Variants in ZNF25 observed in about 807,000 individuals in gnomAD.
ZNF25 encodes zinc finger protein 25.
Under a neutral mutation model 30.9 loss-of-function variants are expected in ZNF25, and 21 were observed. The observed-to-expected ratio is 0.68, with a 90% confidence interval of 0.48 to 0.98. The LOEUF is 0.98. ZNF25 is among the 50% of genes least tolerant of loss of function. The pLI is 0.00. For synonymous variants in ZNF25, 169 were observed against 181.3 expected (o/e 0.93, Z 0.55); for missense variants, 501 against 529.9 (o/e 0.95, Z 0.54).
chr10:37,960,928 G>GTT (rs2062835765), intron 2 of ZNF25, among the ~76,000 whole-genome samples: 1 of 152,180 alleles, frequency 6.6e-6, no homozygotes, highest in African/African-American at 2.4e-5. Flanking sequence ...CCTAAGAGCA[G>GTT]ATAAGAGAAT....
chr10:37,976,256 C>G (rs764729777), intron 1 of ZNF25, among the ~76,000 whole-genome samples: 1 of 152,226 alleles, frequency 6.6e-6, no homozygotes, highest in Non-Finnish European at 1.5e-5. Context: ...ATGGCGGCTC[C>G]GGTCACGTCA....
intron 2 of ZNF25, among the ~76,000 whole-genome samples, chr10:37,965,484 T>G (rs907471379): frequency 1.3e-5 from 2 of 152,232 alleles, no homozygotes; most frequent in East Asian, 3.8e-4. Flanking sequence ...GGCAGTGTGA[T>G]GACACATTAA....
chr10:37,969,805 C>G (rs1394326078), intron 2 of ZNF25, among the ~76,000 whole-genome samples: 1 of 152,086 alleles, frequency 6.6e-6, no homozygotes, highest in Admixed American at 6.6e-5. Flanking sequence ...AACCTTTGAA[C>G]AAAGACAACT....
chr10:37,950,982 G>GT lies in ZNF25; in HGVS notation c.*1144dup, dbSNP rs1189139507. ...ACTATTTGTTTTCATTGTGGAGATT[G>GT]TAATAAATACTACTGTTTTTAGCTG... On this transcript the variant is annotated 3_prime_UTR_variant, in exon 6 of 6. Coordinates refer to ENST00000302609, the MANE Select transcript of ZNF25 (RefSeq NM_145011.4). The GT allele has an allele frequency of 6.6e-6, 1 of 152,164 alleles. No homozygotes were observed. The highest frequency in any genetic ancestry group is 6.5e-5 in the Admixed American group (1 of 15,274). The allele number at this position is 152,164 out of a possible 1,614,324, so 9.4% of individuals were successfully genotyped here.
rs558007070 is a variant in ZNF25 at position 37,966,602 on chromosome 10, G to C, written c.15+5106C>G. Among the ~76,000 whole-genome samples the C allele has an allele frequency of 2.6e-5, 4 of 152,182 alleles. No homozygotes were observed. In the South Asian group the frequency reaches 8.3e-4, roughly 32 times the overall value. ...GGCAGAGCAGGAGATAGAGGGCAAA[G>C]GGGGAAGTGCTACACACTTTTACCC... On this transcript the variant is annotated intron_variant, in intron 2 of 5. Coordinates refer to ENST00000302609, the MANE Select transcript of ZNF25 (RefSeq NM_145011.4).
At chr10:37,966,791 A>T (rs2063212588) in intron 2 of ZNF25, among the ~76,000 whole-genome samples, 1 of 152,208 alleles carries the variant, frequency 6.6e-6, no homozygotes, top group Non-Finnish European at 1.5e-5. Context: ...GGAGGAATTA[A>T]AGGAAAATAT....
chr10:37,962,628 T>C (rs1320100134), intron 2 of ZNF25, among the ~76,000 whole-genome samples: 1 of 152,154 alleles, frequency 6.6e-6, no homozygotes, highest in Non-Finnish European at 1.5e-5. Flanking sequence ...CATTTGAAGT[T>C]GGTTCTCTGA....
At chr10:37,973,073 CAGG>C (rs2063585258) in intron 1 of ZNF25, among the ~76,000 whole-genome samples, 1 of 151,738 alleles carries the variant, frequency 6.6e-6, no homozygotes, top group African/African-American at 2.4e-5. Context: ...GAGGCTGAGG[CAGG>C]AGAATTGCTT....
intron 2 of ZNF25, among the ~76,000 whole-genome samples, chr10:37,962,238 T>A (rs1160089298): frequency 2.1e-5 from 3 of 139,950 alleles, no homozygotes; most frequent in African/African-American, 5.5e-5. Flanking sequence ...GAGACTTCCA[T>A]CTCAAAAAAA....
chr10:37,953,722 T>C lies in ZNF25; in HGVS notation c.275A>G (p.Tyr92Cys), dbSNP rs941814046. 1.2e-5 allele frequency: 20 copies of C among 1,613,934 alleles called. No homozygotes were observed. Among genetic ancestry groups the C allele is most frequent in the Non-Finnish European group, 1.4e-5 (17 of 1,179,964 alleles). Residue 92 changes from tyrosine (Y) to cysteine (C), a missense_variant, in exon 5 of 6, where the codon TAC becomes TGC. Physicochemically the swap from Tyr to Cys is radical, Grantham distance 194. Coordinates refer to ENST00000302609, the MANE Select transcript of ZNF25 (RefSeq NM_145011.4). ...TGAATTTCCAGCTTGGCTTTCCTGG[T>C]ATCTTGCTTCTAGATCATGAATGCT... ...LWSIHDLEAR[Y>C]QESQAGNSRN...
chr10:37,954,058 C>T (rs146436458), intron 4 of ZNF25, among the ~76,000 whole-genome samples: 1,963 of 152,244 alleles, frequency 0.013, 21 homozygotes, highest in Admixed American at 0.019. Flanking sequence ...ATAGGACATT[C>T]GAAGTGTTGC....
At chr10:37,974,664 C>T (rs961923833) in intron 1 of ZNF25, among the ~76,000 whole-genome samples, 16 of 152,250 alleles carry the variant, frequency 1.1e-4, no homozygotes, top group African/African-American at 3.6e-4. Flanking sequence ...ACCTTGGTGG[C>T]AATGTAAACT....
intron 1 of ZNF25, among the ~76,000 whole-genome samples, chr10:37,973,596 C>CAA (rs143239470): frequency 0.18 from 23,699 of 129,788 alleles, 2,602 homozygotes; most frequent in South Asian, 0.3. Flanking sequence ...GCCCTTGTCT[C>CAA]AAAAAAAAAA....
At chr10:37,968,636 T>C (rs1341812687) in intron 2 of ZNF25, among the ~76,000 whole-genome samples, 1 of 152,192 alleles carries the variant, frequency 6.6e-6, no homozygotes, top group East Asian at 1.9e-4. Context: ...ATTACAGGCA[T>C]GAGCCACTAT....
At chr10:37,969,653 C>A (rs1393470677) in intron 2 of ZNF25, among the ~76,000 whole-genome samples, 2 of 152,082 alleles carry the variant, frequency 1.3e-5, no homozygotes, top group African/African-American at 4.8e-5. Context: ...ATGGGGTTTT[C>A]TTTTGGGATG....
intron 1 of ZNF25, among the ~76,000 whole-genome samples, chr10:37,973,523 G>T (rs2063614319): frequency 6.6e-6 from 1 of 150,618 alleles, no homozygotes; most frequent in South Asian, 2.1e-4. Context: ...GGAGGTTGAG[G>T]CAGGAGAATC....
intron 1 of ZNF25, among the ~76,000 whole-genome samples, chr10:37,972,907 C>A (rs1730197734): frequency 6.6e-6 from 1 of 152,128 alleles, no homozygotes; most frequent in African/African-American, 2.4e-5. Flanking sequence ...GTGGCTCACG[C>A]CTGTAATCCC....
chr10:37,963,424 A>T (rs2063001601), intron 2 of ZNF25, among the ~76,000 whole-genome samples: 1 of 152,192 alleles, frequency 6.6e-6, no homozygotes, highest in Non-Finnish European at 1.5e-5. Context: ...GCCCAGCCTC[A>T]GTGGAGTACT....
chr10:37,956,419 T>C (rs2135316421), intron 4 of ZNF25, among the ~76,000 whole-genome samples: 1 of 152,314 alleles, frequency 6.6e-6, no homozygotes, highest in South Asian at 2.1e-4. Context: ...TAACTGGCGA[T>C]TCTAGACAAA....
Sources: allele counts gnomAD v4.1 joint callset (sites outside exome capture counted in the v4.1 genomes callset), GRCh38; gene constraint gnomAD v4.1.1; transcripts MANE v1.5; gene names NCBI Gene and HGNC (gene_info 2026-07-23, HGNC 2026-07-21).